MDGA2: variants seen among roughly 807,000 people sequenced by gnomAD.
MDGA2 encodes MAM domain-containing glycosylphosphatidylinositol anchor protein 2.
MDGA2 carries 40 observed loss-of-function variants against 117.8 expected under a neutral mutation model. The observed-to-expected ratio is 0.34, with a 90% CI of 0.26 to 0.44. The LOEUF (loss-of-function observed/expected upper bound fraction) is 0.44, where lower values mean the gene tolerates loss of function less well. MDGA2 is among the 20% of genes least tolerant of loss of function. MDGA2 has a pLI of 1.00. For synonymous variants in MDGA2, 452 were observed against 439.0 expected (o/e 1.03, Z -0.37); for missense variants, 1,123 against 1,250.6 (o/e 0.90, Z 1.54).
chr14:47,190,082 T>C (rs1885054329), intron 3 of MDGA2, among the ~76,000 whole-genome samples: 1 of 152,204 alleles, frequency 6.6e-6, no homozygotes, highest in South Asian at 2.1e-4. Context: ...TACTAAACAG[T>C]CCACGATAAA....
At chr14:47,619,862 A>G (rs1018545923) in intron 1 of MDGA2, among the ~76,000 whole-genome samples, 1 of 152,202 alleles carries the variant, frequency 6.6e-6, no homozygotes, top group African/African-American at 2.4e-5. Flanking sequence ...TATTACTTAG[A>G]TATCCAGGGC....
At chr14:47,495,613 G>A (rs145188044) in intron 1 of MDGA2, among the ~76,000 whole-genome samples, 11 of 152,122 alleles carry the variant, frequency 7.2e-5, no homozygotes, top group East Asian at 5.8e-4. Flanking sequence ...TTTACTCCTC[G>A]TAGCCTCAAT....
At chr14:47,163,822 A>C (rs1883746079) in intron 3 of MDGA2, among the ~76,000 whole-genome samples, 2 of 152,188 alleles carry the variant, frequency 1.3e-5, no homozygotes, top group Admixed American at 6.5e-5. Flanking sequence ...TAGTGACAAC[A>C]ATGTTGTTTC....
At chr14:47,346,747 T>G (rs1890771246) in intron 1 of MDGA2, among the ~76,000 whole-genome samples, 1 of 152,208 alleles carries the variant, frequency 6.6e-6, no homozygotes, top group African/African-American at 2.4e-5. Flanking sequence ...TTATTGTGCC[T>G]GCCAGCATTC....
chr14:47,611,855 A>G (rs1594943181), intron 1 of MDGA2, among the ~76,000 whole-genome samples: 2 of 152,196 alleles, frequency 1.3e-5, no homozygotes, highest in East Asian at 3.9e-4. Flanking sequence ...ATTGGCCAAC[A>G]GTATAACATA....
At chr14:47,456,877 T>G (rs989910826) in intron 1 of MDGA2, among the ~76,000 whole-genome samples, 31 of 151,726 alleles carry the variant, frequency 2.0e-4, no homozygotes, top group African/African-American at 6.8e-4. Flanking sequence ...TAAATTTACT[T>G]AAGAGAAACA....
intron 10 of MDGA2, among the ~76,000 whole-genome samples, chr14:46,886,689 A>G (rs1338966793): frequency 6.6e-6 from 1 of 152,008 alleles, no homozygotes; most frequent in East Asian, 1.9e-4. Flanking sequence ...TCTGTTTTTA[A>G]TAAAGAGAAT....
rs77274110 is a variant in MDGA2 at position 47,558,196 on chromosome 14, A to T, written c.280+116321T>A. Among the ~76,000 whole-genome samples, 646 of 152,308 alleles carry T rather than the reference A, an allele frequency of 4.2e-3. 4 individuals are homozygous for T. The highest frequency in any genetic ancestry group is 0.015 in the African/African-American group (605 of 41,576). Reference sequence around the variant, plus strand: ...TCTATTCCCATCTATGCCTATGGATACAAATGTAATGTTTTCTAAAAATAA... The same window carrying T: ...TCTATTCCCATCTATGCCTATGGATTCAAATGTAATGTTTTCTAAAAATAA... On this transcript the variant is annotated intron_variant, in intron 1 of 16. Transcript: ENST00000399232.
At chr14:46,898,982 A>C (rs1883184620) in intron 10 of MDGA2, among the ~76,000 whole-genome samples, 1 of 152,082 alleles carries the variant, frequency 6.6e-6, no homozygotes, top group African/African-American at 2.4e-5. Flanking sequence ...CCCCTCCCCA[A>C]ACTCAACCTT....
chr14:47,205,560 G>C (rs780641336), intron 3 of MDGA2, among the ~76,000 whole-genome samples: 1 of 151,794 alleles, frequency 6.6e-6, no homozygotes, highest in African/African-American at 2.4e-5. Flanking sequence ...CATTCTAGAT[G>C]ATTTCTGCTT....
intron 5 of MDGA2, among the ~76,000 whole-genome samples, chr14:47,128,681 C>A (rs1165742827): frequency 6.6e-6 from 1 of 150,712 alleles, no homozygotes; most frequent in East Asian, 1.9e-4. Flanking sequence ...TTTTTTTCTG[C>A]AACATAATTT....
intron 1 of MDGA2, among the ~76,000 whole-genome samples, chr14:47,636,784 C>CA (rs56313968): frequency 0.14 from 6,316 of 46,170 alleles, 810 homozygotes; most frequent in South Asian, 0.24. Context: ...GACTCCGTCT[C>CA]AAAAAAAAAA....
chr14:47,592,999 G>A (rs1212946461), intron 1 of MDGA2, among the ~76,000 whole-genome samples: 2 of 151,842 alleles, frequency 1.3e-5, no homozygotes, highest in African/African-American at 4.8e-5. Context: ...CTGACAAAGG[G>A]CTCATATCCT....
intron 14 of MDGA2, among the ~76,000 whole-genome samples, chr14:46,859,319 G>A (rs1006643420): frequency 6.6e-6 from 1 of 152,136 alleles, no homozygotes; most frequent in Non-Finnish European, 1.5e-5. Context: ...TCTCACAAAG[G>A]TTGCTGTATT....
chr14:47,121,140 G>A (rs572606325), intron 5 of MDGA2, among the ~76,000 whole-genome samples: 2 of 152,246 alleles, frequency 1.3e-5, no homozygotes, highest in South Asian at 4.1e-4. Context: ...TGCCTTGTCT[G>A]TAACTTGGAG....
intron 1 of MDGA2, among the ~76,000 whole-genome samples, chr14:47,549,343 A>ATCTC (rs3039661): frequency 0.015 from 2,045 of 140,210 alleles, 26 homozygotes; most frequent in South Asian, 0.028. Context: ...CACCAGTATT[A>ATCTC]TCTCTCTCTC....
chr14:47,000,420 C>T (rs939826010), intron 8 of MDGA2, among the ~76,000 whole-genome samples: 102 of 71,830 alleles, frequency 1.4e-3, no homozygotes, highest in South Asian at 4.2e-3. Flanking sequence ...TATATATATA[C>T]ACATATAAAT....
At chr14:47,620,412 A>G (rs1171685903) in intron 1 of MDGA2, among the ~76,000 whole-genome samples, 2 of 152,266 alleles carry the variant, frequency 1.3e-5, no homozygotes, top group Non-Finnish European at 2.9e-5. Flanking sequence ...GGCAAATGCA[A>G]GTTAAAACTT....
intron 11 of MDGA2, among the ~76,000 whole-genome samples, chr14:46,881,111 C>T (rs1214542943): frequency 2.6e-5 from 4 of 151,152 alleles, no homozygotes; most frequent in East Asian, 1.9e-4. Flanking sequence ...GACCAAAATC[C>T]GGCAACTAAG....
Sources: gnomAD v4.1 joint callset for allele counts (sites outside exome capture counted in the v4.1 genomes callset) on GRCh38, gnomAD v4.1.1 for gene constraint, MANE v1.5 for transcripts, NCBI Gene and HGNC (gene_info 2026-07-23, HGNC 2026-07-21) for gene names.